The following SMIM1 variants were observed in gnomAD, a reference collection of about 807,000 sequenced individuals.
SMIM1 encodes small integral membrane protein 1.
Under a neutral mutation model 7.7 loss-of-function variants are expected in SMIM1, and 7 were observed. The ratio of observed to expected loss-of-function variants is 0.91; its 90% CI spans 0.52 to 1.71. SMIM1 has a LOEUF of 1.71. SMIM1 is among the 40% of genes most tolerant of loss of function. The pLI is 0.00. For synonymous variants in SMIM1, 41 were observed against 42.7 expected, an observed-to-expected ratio of 0.96 and a Z score of 0.16; for missense variants, 95 against 102.8, an observed-to-expected ratio of 0.92 and a Z score of 0.33.
intron 2 of SMIM1, 88 bp downstream of exon 2, chr1:3,773,269 C>A (rs540865439): frequency 6.6e-6 from 1 of 152,536 alleles, no homozygotes; most frequent in Admixed American, 6.5e-5. Context: ...CTCACAAGCC[C>A]CCAGGAGGTG....
chr1:3,774,124 T>G (rs1160224474), intron 2 of SMIM1, among the ~76,000 whole-genome samples: 10 of 151,748 alleles, frequency 6.6e-5, no homozygotes, highest in Non-Finnish European at 1.5e-4. Flanking sequence ...CCTTTAGGCC[T>G]CTGTGCCGAT....
chr1:3,774,035 C>A lies in SMIM1; in HGVS notation c.-76+854C>A, dbSNP rs537818472. Among the ~76,000 whole-genome samples, 216 of 152,308 alleles carry A rather than the reference C, an allele frequency of 1.4e-3. 1 individual carries two copies. The highest frequency in any genetic ancestry group is 4.9e-3 in the African/African-American group (203 of 41,560). On this transcript the variant is annotated intron_variant, in intron 2 of 3. Coordinates refer to ENST00000642557, the MANE Select transcript of SMIM1 (RefSeq NM_001288583.2). Reference sequence around the variant, plus strand: ...TCTCTGGGCTTTGGGGGAAGGCAGACATGGAAGTGCCGGGAGTCTCAGAAC... The same window carrying A: ...TCTCTGGGCTTTGGGGGAAGGCAGAAATGGAAGTGCCGGGAGTCTCAGAAC...
rs1481816137 is a variant in SMIM1, at chr1:3,775,288, T to C, written c.-75-11T>C. 2.0e-6 allele frequency: 2 copies of C among 1,019,392 alleles called. No individual in the cohort carries two copies. The highest frequency in any genetic ancestry group is 2.8e-6 in the Non-Finnish European group (2 of 708,246). 63.1% of individuals were successfully genotyped at this position (1,019,392 alleles called of 1,614,324 possible). A position where few individuals can be genotyped will look rare whatever the true frequency, so the allele number is the denominator to read the frequency against. ...GTCTTGACTGCCGCCCTCCATCCGC[T>C]TGTTTTACAGTGAAGCCACAGCCTG... On this transcript the variant is annotated splice_polypyrimidine_tract_variant and intron_variant, in intron 2 of 3. Transcript: ENST00000642557. This position sits in a 1 kb window ranked among gnomAD's most constrained non-coding sequence, Gnocchi z 5.3.
At chr1:3,773,377 T>G (rs1643410329) in intron 2 of SMIM1, among the ~76,000 whole-genome samples, 196 bp downstream of exon 2, 1 of 152,216 alleles carries the variant, frequency 6.6e-6, no homozygotes, top group Non-Finnish European at 1.5e-5. Flanking sequence ...AGACGTTTAC[T>G]GAGCAAGTGA....
intron 2 of SMIM1, among the ~76,000 whole-genome samples, chr1:3,773,512 C>T (rs1001263621): frequency 6.6e-6 from 1 of 152,114 alleles, no homozygotes; most frequent in African/African-American, 2.4e-5. Context: ...CTTGACCCCT[C>T]CCACCGGGAG....
rs529144703 is a variant in SMIM1, at chr1:3,775,286, G to A, written c.-75-13G>A. 1.7e-5 allele frequency: 17 copies of A among 994,306 alleles called. No homozygotes were observed. In the African/African-American group the frequency reaches 2.0e-4, roughly 11 times the overall value. 61.6% of individuals were successfully genotyped at this position (994,306 alleles called of 1,614,324 possible). A position where few individuals can be genotyped will look rare whatever the true frequency, so the allele number is the denominator to read the frequency against. On this transcript the variant is annotated splice_polypyrimidine_tract_variant and intron_variant, in intron 2 of 3. Transcript: ENST00000642557. The surrounding 1 kb of genome is among the most constrained non-coding windows in gnomAD (Gnocchi z 5.3). ...GGGTCTTGACTGCCGCCCTCCATCC[G>A]CTTGTTTTACAGTGAAGCCACAGCC...
Position 3,775,732 on chromosome 1 carries a change from C to G in SMIM1, c.111-63C>G. 2.0e-6 allele frequency: 3 copies of G among 1,516,176 alleles called. No individual in the cohort carries two copies. The highest frequency in any genetic ancestry group is 2.6e-6 in the Non-Finnish European group (3 of 1,133,070). 93.9% of individuals were successfully genotyped at this position (1,516,176 alleles called of 1,614,324 possible). ...CTGACCCAGACCAACGGCCACAGTC[C>G]ACTTAGGGGGCCCCTCATGCGGCCC... On this transcript the variant is annotated intron_variant, in intron 3 of 3. Transcript: ENST00000642557. The surrounding 1 kb of genome is among the most constrained non-coding windows in gnomAD (Gnocchi z 5.3).
intron 1 of SMIM1, 45 bp from the exon 2 acceptor site, chr1:3,773,018 G>C (rs2124602182): frequency 6.6e-6 from 1 of 152,342 alleles, no homozygotes; most frequent in South Asian, 2.1e-4. Flanking sequence ...TTCCCTTCCC[G>C]GCCCTTAGCA....
chr1:3,774,680 G>A (rs534232656), intron 2 of SMIM1, among the ~76,000 whole-genome samples: 23 of 118,882 alleles, frequency 1.9e-4, no homozygotes, highest in African/African-American at 4.9e-4. Context: ...AATCCACCCC[G>A]GCCCCGTGCT....
rs114632157 is a variant in SMIM1 at position 3,774,037 on chromosome 1, T to C, written c.-76+856T>C. 4.4e-3 allele frequency among the ~76,000 whole-genome samples: 674 copies of C among 152,268 alleles called. 1 individual carries two copies. Among genetic ancestry groups the C allele is most frequent in the African/African-American group, 0.016 (646 of 41,556 alleles). On this transcript the variant is annotated intron_variant, in intron 2 of 3. Transcript: ENST00000642557. ...TCTGGGCTTTGGGGGAAGGCAGACA[T>C]GGAAGTGCCGGGAGTCTCAGAACTG...
At chr1:3,774,372 A>AG (rs1643425943) in intron 2 of SMIM1, among the ~76,000 whole-genome samples, 2 of 151,970 alleles carry the variant, frequency 1.3e-5, no homozygotes, top group Non-Finnish European at 2.9e-5. Flanking sequence ...TTAGGTAAAT[A>AG]GGAGGTCGAA....
chr1:3,775,809 T>G lies in SMIM1; in HGVS notation c.125T>G (p.Leu42Arg), dbSNP rs774613915. The G allele has an allele frequency of 1.5e-5, 23 of 1,550,424 alleles. No individual in the cohort carries two copies. The highest frequency in any genetic ancestry group is 2.0e-5 in the Non-Finnish European group (23 of 1,146,892). Residue 42 changes from leucine (L) to arginine (R), a missense_variant, in exon 4 of 4, where the codon CTG (leucine) becomes CGG (arginine). Physicochemically the swap from Leu to Arg is moderately radical, Grantham distance 102 (BLOSUM62 -2). Coordinates refer to ENST00000642557, the MANE Select transcript of SMIM1 (RefSeq NM_001288583.2). This position sits in a 1 kb window ranked among gnomAD's most constrained non-coding sequence, Gnocchi z 5.3. ...ASRCRRISQR[L>R]CTGKLGIAMK... is the part of the protein sequence containing the mutation. ...TCTCACCCCAGGATCTCCCAGAGGC[T>G]GTGCACGGGCAAGCTGGGCATCGCC...
At chr1:3,774,871 C>G (rs1475895826) in intron 2 of SMIM1, among the ~76,000 whole-genome samples, 5 of 93,270 alleles carry the variant, frequency 5.4e-5, no homozygotes, top group South Asian at 5.9e-4. Context: ...CCTGCCCCAC[C>G]CCCCCCTCCC....
intron 2 of SMIM1, among the ~76,000 whole-genome samples, chr1:3,774,806 C>A (rs1570729705): frequency 6.6e-6 from 1 of 152,160 alleles, no homozygotes; most frequent in Non-Finnish European, 1.5e-5. Flanking sequence ...AGCCACGCAT[C>A]CTCCCCAGAC....
Position 3,775,846 on chromosome 1 carries a change from G to A in SMIM1, c.162G>A (p.Leu54=), listed in dbSNP as rs1393647276. Residue 54 remains leucine, a synonymous_variant, in exon 4 of 4, where the codon CTG becomes CTA. Transcript: ENST00000642557. The surrounding 1 kb of genome is among the most constrained non-coding windows in gnomAD (Gnocchi z 5.3). ...TGKLGIAMKV[L]GGVALFWIIF... is the part of the protein sequence containing the mutation. Reference sequence around the variant, plus strand: ...AGCTGGGCATCGCCATGAAGGTGCTGGGCGGCGTGGCCCTCTTCTGGATCA... The same window carrying A: ...AGCTGGGCATCGCCATGAAGGTGCTAGGCGGCGTGGCCCTCTTCTGGATCA... 15 of 1,550,954 alleles carry A rather than the reference G, an allele frequency of 9.7e-6. No homozygotes were observed. The highest frequency in any genetic ancestry group is 7.3e-5 in the East Asian group (3 of 40,908).
chr1:3,772,878 C>CG (rs1393241413), intron 1 of SMIM1, 90 bp downstream of exon 1: 1 of 152,296 alleles, frequency 6.6e-6, no homozygotes, highest in Non-Finnish European at 1.5e-5. Flanking sequence ...TGAGAACTGG[C>CG]GGGGGTGGGG....
intron 2 of SMIM1, among the ~76,000 whole-genome samples, chr1:3,773,858 C>T (rs1337186184): frequency 6.6e-6 from 1 of 152,180 alleles, no homozygotes; most frequent in East Asian, 1.9e-4. Flanking sequence ...GCGTGAACCT[C>T]GGGTAGGCAG....
chr1:3,775,181 C>T lies in SMIM1; in HGVS notation c.-75-118C>T. The T allele has an allele frequency of 1.9e-6, 1 of 525,272 alleles. No homozygotes were observed. The highest frequency in any genetic ancestry group is 3.5e-6 in the Non-Finnish European group (1 of 288,278). The allele number at this position is 525,272 out of a possible 1,614,324, so 32.5% of individuals were successfully genotyped here. On this transcript the variant is annotated intron_variant, in intron 2 of 3. Coordinates refer to ENST00000642557, the MANE Select transcript of SMIM1 (RefSeq NM_001288583.2). This position sits in a 1 kb window ranked among gnomAD's most constrained non-coding sequence, Gnocchi z 5.3. The stretch of plus-strand genomic sequence containing the variant: ...CTCTACCACTTTGTGTCTAGGTCAC[C>T]TGTTAAGTCAGGCGACAGACCCGGT...
chr1:3,775,515 A>ATGGCTG lies in SMIM1; in HGVS notation c.110+32_110+33insTGGCTG. On this transcript the variant is annotated intron_variant, in intron 3 of 3. Coordinates refer to ENST00000642557, the MANE Select transcript of SMIM1 (RefSeq NM_001288583.2). This position sits in a 1 kb window ranked among gnomAD's most constrained non-coding sequence, Gnocchi z 5.3. ...GGCCTGAGGGCAGCCTGCCAGCCAT[A>ATGGCTG]GCAGGCTGGTGTCTCCCTCCAGAGA... 6.6e-7 allele frequency: 1 copy of ATGGCTG among 1,511,414 alleles called. No individual in the cohort carries two copies. The highest frequency in any genetic ancestry group is 1.2e-5 in the South Asian group (1 of 82,956). 93.6% of individuals were successfully genotyped at this position (1,511,414 alleles called of 1,614,324 possible).
Sources: allele counts gnomAD v4.1 joint callset (sites outside exome capture counted in the v4.1 genomes callset), GRCh38; gene constraint gnomAD v4.1.1; non-coding constraint Gnocchi (gnomAD v3.1); transcripts MANE v1.5; gene names NCBI Gene and HGNC (gene_info 2026-07-23, HGNC 2026-07-21).